THEMIS: variants seen among roughly 807,000 people sequenced by gnomAD.
THEMIS encodes thymocyte selection associated.
Under a neutral mutation model 52.6 loss-of-function variants are expected in THEMIS, and 37 were observed. The ratio of observed to expected loss-of-function variants is 0.70; its 90% CI spans 0.54 to 0.93. The LOEUF (loss-of-function observed/expected upper bound fraction) is 0.93, where lower values mean the gene tolerates loss of function less well. Among genes scored for constraint, THEMIS ranks in the 40% least tolerant of loss-of-function variants. THEMIS has a pLI of 0.00. For missense variants in THEMIS, 808 were observed against 763.1 expected (o/e 1.06, Z -0.69); for synonymous variants, 292 against 272.7 (o/e 1.07, Z -0.70).
Position 127,770,089 on chromosome 6 carries a change from G to A in THEMIS, c.1758+42794C>T, listed in dbSNP as rs527672963. ...ATAGTCCCACAATAAACATATGTGTGCATGTGTCTTTATAACAGCATGATT... is the reference window on the plus strand; with the variant it reads ...ATAGTCCCACAATAAACATATGTGTACATGTGTCTTTATAACAGCATGATT... On this transcript the variant is annotated intron_variant, in intron 4 of 5. Transcript: ENST00000368248. 3.3e-5 allele frequency among the ~76,000 whole-genome samples: 5 copies of A among 152,294 alleles called. No homozygotes were observed. The South Asian group carries it at 1.0e-3, about 32-fold the overall frequency.
intron 3 of THEMIS, among the ~76,000 whole-genome samples, chr6:127,821,173 T>TGTGA (rs1778327152): frequency 6.7e-6 from 1 of 149,376 alleles, no homozygotes. Context: ...TCTGTGTGTG[T>TGTGA]GAGAGAGAGA....
rs1015850028 is a variant in THEMIS at position 127,823,495 on chromosome 6, T to A, written c.709+5981A>T. Among the ~76,000 whole-genome samples the A allele has an allele frequency of 2.2e-4, 33 of 152,282 alleles. 1 individual carries two copies. Among genetic ancestry groups the A allele is most frequent in the African/African-American group, 7.7e-4 (32 of 41,548 alleles). ...AACATAAATATACACGCATAAACAA[T>A]GTGTTACTTGCTTTATTCATTCTTT... On this transcript the variant is annotated intron_variant, in intron 3 of 5. Transcript: ENST00000368248.
At chr6:127,734,421 T>C (rs1774914707) in intron 4 of THEMIS, among the ~76,000 whole-genome samples, 1 of 152,210 alleles carries the variant, frequency 6.6e-6, no homozygotes, top group Admixed American at 6.5e-5. Flanking sequence ...AAATTGGTCC[T>C]GAGTTAACGG....
chr6:127,843,700 C>T (rs1779124329), intron 2 of THEMIS, among the ~76,000 whole-genome samples: 1 of 151,930 alleles, frequency 6.6e-6, no homozygotes, highest in Non-Finnish European at 1.5e-5. Flanking sequence ...ATTGCACTAG[C>T]ATTGATCTGT....
chr6:127,793,575 G>C (rs1479343552), intron 4 of THEMIS, among the ~76,000 whole-genome samples: 2 of 152,148 alleles, frequency 1.3e-5, no homozygotes, highest in African/African-American at 4.8e-5. Context: ...AAGAAACAGG[G>C]AATGCACCAA....
rs1776812955 is a variant in THEMIS, at chr6:127,783,349, A to T, written c.1758+29534T>A. Among the ~76,000 whole-genome samples the T allele has an allele frequency of 2.0e-5, 3 of 152,352 alleles. No individual in the cohort carries two copies. The South Asian group carries it at 6.2e-4, about 32-fold the overall frequency. ...CATGGGCAACGACTTCATGACTAAAACACCAAAACCAATGGCAACAAAAGC... is the reference window on the plus strand; with the variant it reads ...CATGGGCAACGACTTCATGACTAAATCACCAAAACCAATGGCAACAAAAGC... On this transcript the variant is annotated intron_variant, in intron 4 of 5. Coordinates refer to ENST00000368248, the MANE Select transcript of THEMIS (RefSeq NM_001010923.3).
intron 4 of THEMIS, among the ~76,000 whole-genome samples, chr6:127,777,542 C>G (rs2114467220): frequency 6.6e-6 from 1 of 152,172 alleles, no homozygotes; most frequent in South Asian, 2.1e-4. Flanking sequence ...AGTCTTTATT[C>G]AAACAATTAT....
chr6:127,884,610 C>T (rs138520012), intron 1 of THEMIS, among the ~76,000 whole-genome samples: 16 of 152,274 alleles, frequency 1.1e-4, no homozygotes, highest in African/African-American at 3.6e-4. Flanking sequence ...CTGCTATTAA[C>T]CCCTTGCTGT....
chr6:127,892,499 G>T (rs934531688), intron 1 of THEMIS, among the ~76,000 whole-genome samples: 1 of 152,060 alleles, frequency 6.6e-6, no homozygotes, highest in African/African-American at 2.4e-5. Context: ...CTCCGAGAGG[G>T]GAGGGCTTTA....
chr6:127,832,777 C>CTTTTTTTTTTTTTTTTTTTTTTT lies in THEMIS; in HGVS notation c.251-2866_251-2844dup, dbSNP rs11355741. Reference sequence around the variant, plus strand: ...CTATTTCCACCTAGGATTGTCAGATCTTTTTTTTTTTTTTTTTTTTTTTTG... The same window carrying CTTTTTTTTTTTTTTTTTTTTTTT: ...CTATTTCCACCTAGGATTGTCAGATCTTTTTTTTTTTTTTTTTTTTTTTTTTTTTTTTTTTTTTTTTTTTTTTG... On this transcript the variant is annotated intron_variant, in intron 2 of 5. Coordinates refer to ENST00000368248, the MANE Select transcript of THEMIS (RefSeq NM_001010923.3). Among the ~76,000 whole-genome samples, 19 of 57,802 alleles carry CTTTTTTTTTTTTTTTTTTTTTTT rather than the reference C, an allele frequency of 3.3e-4. 4 individuals are homozygous for CTTTTTTTTTTTTTTTTTTTTTTT. The highest frequency in any genetic ancestry group is 1.3e-3 in the African/African-American group (17 of 13,096). 37.9% of individuals were successfully genotyped at this position (57,802 alleles called of 152,430 possible). A position where few individuals can be genotyped will look rare whatever the true frequency, so the allele number is the denominator to read the frequency against.
At position 127,798,436 on chromosome 6, in the gene THEMIS, G is replaced by A. The variant is rs141711505; in HGVS notation, c.1758+14447C>T. Among the ~76,000 whole-genome samples, 4 of 152,178 alleles carry A rather than the reference G, an allele frequency of 2.6e-5. No individual in the cohort carries two copies. The East Asian group carries it at 5.8e-4, about 22-fold the overall frequency. The stretch of plus-strand genomic sequence containing the variant: ...AGTTACATATGTATACATGTGCCAC[G>A]CTGGTCTAAATAAAGGATGGTTTCG... On this transcript the variant is annotated intron_variant, in intron 4 of 5. Coordinates refer to ENST00000368248, the MANE Select transcript of THEMIS (RefSeq NM_001010923.3).
At chr6:127,872,237 G>C (rs1780178611) in intron 1 of THEMIS, among the ~76,000 whole-genome samples, 1 of 152,106 alleles carries the variant, frequency 6.6e-6, no homozygotes, top group Non-Finnish European at 1.5e-5. Context: ...AGTTGATGCA[G>C]AAAAATCATT....
chr6:127,757,583 C>A (rs555668131), intron 4 of THEMIS, among the ~76,000 whole-genome samples: 1 of 151,926 alleles, frequency 6.6e-6, no homozygotes, highest in Non-Finnish European at 1.5e-5. Context: ...CCCGGGTTCA[C>A]GCCATTCTCC....
chr6:127,809,786 T>C (rs373930490), intron 4 of THEMIS, among the ~76,000 whole-genome samples: 5 of 151,336 alleles, frequency 3.3e-5, no homozygotes, highest in Admixed American at 2.0e-4. Flanking sequence ...TAATGGAATA[T>C]AAGTCTGCAC....
chr6:127,801,685 C>A (rs905582833), intron 4 of THEMIS, among the ~76,000 whole-genome samples: 1 of 152,160 alleles, frequency 6.6e-6, no homozygotes, highest in Non-Finnish European at 1.5e-5. Context: ...AGGAGATAAA[C>A]CCTGCGCTGC....
intron 4 of THEMIS, among the ~76,000 whole-genome samples, chr6:127,778,402 T>C (rs1429120907): frequency 6.6e-6 from 1 of 152,180 alleles, no homozygotes. Context: ...TGTGTTTTTA[T>C]AATTAAAATA....
At chr6:127,785,299 TTCTA>T (rs1251746017) in intron 4 of THEMIS, among the ~76,000 whole-genome samples, 3 of 147,678 alleles carry the variant, frequency 2.0e-5, no homozygotes, top group Non-Finnish European at 4.5e-5. Flanking sequence ...CTATCTGTCT[TTCTA>T]TCTATCTGAT....
intron 4 of THEMIS, among the ~76,000 whole-genome samples, chr6:127,765,584 G>A (rs527765587): frequency 1.3e-5 from 2 of 152,222 alleles, no homozygotes; most frequent in South Asian, 2.1e-4. Flanking sequence ...ATACAGTCAT[G>A]TGCCACATTA....
intron 5 of THEMIS, among the ~76,000 whole-genome samples, chr6:127,719,206 A>G (rs1368401026): frequency 6.6e-6 from 1 of 151,892 alleles, no homozygotes; most frequent in Non-Finnish European, 1.5e-5. Context: ...CTCCTCCACA[A>G]GTCCGTTTGC....
Sources: allele counts gnomAD v4.1 joint callset (sites outside exome capture counted in the v4.1 genomes callset), GRCh38; gene constraint gnomAD v4.1.1; transcripts MANE v1.5; gene names NCBI Gene and HGNC (gene_info 2026-07-23, HGNC 2026-07-21).